Variants in RSPH14 observed in about 807,000 individuals in gnomAD.
The protein encoded by RSPH14 is rhabdoid tumor deletion region gene 1.
RSPH14 carries 20 observed loss-of-function variants against 26.7 expected under a neutral mutation model. The ratio of observed to expected loss-of-function variants is 0.75; its 90% CI spans 0.53 to 1.09. The LOEUF (loss-of-function observed/expected upper bound fraction) is 1.09. Among genes scored for constraint, RSPH14 ranks in the 50% least tolerant of loss-of-function variants. The pLI is 0.00. For missense variants in RSPH14, 449 were observed against 457.2 expected (o/e 0.98, Z 0.16); for synonymous variants, 177 against 189.3 (o/e 0.93, Z 0.53).
the RSPH14 span, among the ~76,000 whole-genome samples, chr22:23,177,269 T>G: frequency 6.6e-6 from 1 of 152,056 alleles, no homozygotes; most frequent in African/African-American, 2.4e-5. Context: ...GAACTGTGCC[T>G]TCTCCCACAG....
intron 4 of RSPH14, among the ~76,000 whole-genome samples, chr22:23,115,460 T>C (rs911239976): frequency 1.3e-5 from 2 of 152,146 alleles, no homozygotes; most frequent in African/African-American, 4.8e-5. Flanking sequence ...CCCTGAGGAC[T>C]GCCTACCTGC....
the RSPH14 span, chr22:23,162,933 T>C: frequency 5.8e-6 from 2 of 343,684 alleles, no homozygotes; most frequent in East Asian, 7.8e-5. Flanking sequence ...TTTTTTGAGA[T>C]GGAGTTTCAC....
chr22:23,127,486 C>T (rs2070213856), intron 4 of RSPH14, among the ~76,000 whole-genome samples: 1 of 152,210 alleles, frequency 6.6e-6, no homozygotes, highest in Non-Finnish European at 1.5e-5. Flanking sequence ...CTGGCCTCCA[C>T]CCCTCACCCT....
At chr22:23,146,700 C>A (rs374946011), upstream of RSPH14, 1 of 1,613,078 alleles carries the variant, frequency 6.2e-7, no homozygotes, top group Admixed American at 1.7e-5. Flanking sequence ...AGAGTCATTA[C>A]GTCTGCAGTG....
upstream of RSPH14, among the ~76,000 whole-genome samples, chr22:23,148,148 C>A (rs2283804): frequency 0.39 from 59,680 of 151,762 alleles, 12,360 homozygotes; most frequent in East Asian, 0.61. Context: ...GTATGTGGCT[C>A]TTCCTCCTTC....
Position 23,069,909 on chromosome 22 carries a change from G to C in RSPH14, c.422-5776C>G, listed in dbSNP as rs561324941. Among the ~76,000 whole-genome samples, 3 of 152,280 alleles carry C rather than the reference G, an allele frequency of 2.0e-5. No homozygotes were observed. In the South Asian group the frequency reaches 6.2e-4, roughly 32 times the overall value. Reference sequence around the variant, plus strand: ...GGTCAGTCGGTTGCCCAAGGACGTAGAGCTCACAAGAGGCCGAACTGGGTT... The same window carrying C: ...GGTCAGTCGGTTGCCCAAGGACGTACAGCTCACAAGAGGCCGAACTGGGTT... On this transcript the variant is annotated intron_variant, in intron 4 of 6. Coordinates refer to ENST00000216036, the MANE Select transcript of RSPH14 (RefSeq NM_014433.3).
upstream of RSPH14, among the ~76,000 whole-genome samples, chr22:23,148,814 A>T (rs2070946794): frequency 6.6e-6 from 1 of 152,178 alleles, no homozygotes; most frequent in Admixed American, 6.5e-5. Context: ...GCCAGTCCCT[A>T]GCTTAAAGCT....
At chr22:23,164,660 C>T in the RSPH14 span, among the ~76,000 whole-genome samples, 1 of 152,206 alleles carries the variant, frequency 6.6e-6, no homozygotes, top group Non-Finnish European at 1.5e-5. Context: ...CCCCTGCAGC[C>T]AAGGTGCGGC....
intron 3 of RSPH14, among the ~76,000 whole-genome samples, chr22:23,134,578 T>C (rs1419630622): frequency 7.5e-6 from 1 of 133,530 alleles, no homozygotes; most frequent in Non-Finnish European, 1.5e-5. Flanking sequence ...AAAAAGGAGA[T>C]GATTGGCTGG....
intron 6 of RSPH14, among the ~76,000 whole-genome samples, chr22:23,059,928 G>A (rs1033264594): frequency 1.3e-5 from 2 of 152,240 alleles, no homozygotes; most frequent in East Asian, 1.9e-4. Flanking sequence ...CTGCCTTTCC[G>A]GCCTCAACTG....
At chr22:23,105,033 C>T (rs533740911) in intron 4 of RSPH14, among the ~76,000 whole-genome samples, 33 of 152,244 alleles carry the variant, frequency 2.2e-4, no homozygotes, top group Non-Finnish European at 3.2e-4. Flanking sequence ...CTAATCCCTG[C>T]TTCATCACAC....
At chr22:23,095,624 C>T (rs1363091687) in intron 4 of RSPH14, 3 of 1,510,510 alleles carry the variant, frequency 2.0e-6, no homozygotes, top group African/African-American at 1.4e-5. Context: ...TGCCTGGTCT[C>T]AGTGTCCCCT....
In RSPH14 at chr22:23,071,027, G is replaced by A. The variant is rs930031287; in HGVS notation, c.422-6894C>T. Among the ~76,000 whole-genome samples the A allele has an allele frequency of 6.6e-6, 1 of 152,196 alleles. No homozygotes were observed. The highest frequency in any genetic ancestry group is 1.5e-5 in the Non-Finnish European group (1 of 68,018). On this transcript the variant is annotated intron_variant, in intron 4 of 6. Transcript: ENST00000216036. This position sits in a 1 kb window ranked among gnomAD's most constrained non-coding sequence, Gnocchi z 4.1. Reference sequence around the variant, plus strand: ...CCGATGCAGGGCCTTGCCTGAAACCGAGGAGAGGGCCCCAGAGGCCTGGGC... The same window carrying A: ...CCGATGCAGGGCCTTGCCTGAAACCAAGGAGAGGGCCCCAGAGGCCTGGGC...
At chr22:23,085,893 CCTT>C (rs936402079) in intron 4 of RSPH14, among the ~76,000 whole-genome samples, 4 of 152,370 alleles carry the variant, frequency 2.6e-5, no homozygotes, top group African/African-American at 9.6e-5. Flanking sequence ...CTCTCTCAAT[CCTT>C]CTCCTTCAAG....
intron 4 of RSPH14, among the ~76,000 whole-genome samples, chr22:23,090,225 T>A (rs930491422): frequency 2.0e-5 from 3 of 151,950 alleles, no homozygotes; most frequent in African/African-American, 7.3e-5. Context: ...TCCTAATATG[T>A]CCCCTCTCCA....
intron 4 of RSPH14, among the ~76,000 whole-genome samples, chr22:23,116,797 G>A (rs1324088106): frequency 1.3e-5 from 2 of 151,846 alleles, no homozygotes; most frequent in African/African-American, 4.8e-5. Flanking sequence ...AGTGGGGTGT[G>A]GGGAGGTGTT....
At chr22:23,158,021 G>A in the RSPH14 span, 50 of 1,614,044 alleles carry the variant, frequency 3.1e-5, no homozygotes, top group Admixed American at 5.0e-5. Context: ...CCTCACTGAC[G>A]TGCAGACCCT....
intron 2 of RSPH14, among the ~76,000 whole-genome samples, chr22:23,139,751 G>A (rs2070556665): frequency 6.6e-6 from 1 of 152,140 alleles, no homozygotes; most frequent in African/African-American, 2.4e-5. Flanking sequence ...TCCCCTGTAG[G>A]TGGCCTTTCT....
At chr22:23,068,357 G>A (rs1395578824) in intron 4 of RSPH14, among the ~76,000 whole-genome samples, 1 of 152,260 alleles carries the variant, frequency 6.6e-6, no homozygotes, top group Non-Finnish European at 1.5e-5. Context: ...TCACATGACT[G>A]TAAGGCCCAA....
Sources: gnomAD v4.1 joint callset for allele counts (sites outside exome capture counted in the v4.1 genomes callset) on GRCh38, gnomAD v4.1.1 for gene constraint, Gnocchi (gnomAD v3.1) non-coding constraint, MANE v1.5 for transcripts, NCBI Gene and HGNC (gene_info 2026-07-23, HGNC 2026-07-21) for gene names.